The following HDAC8 variants were observed in gnomAD, a reference collection of about 807,000 sequenced individuals.
The protein encoded by HDAC8 is histone deacetylase-like 1.
Under a neutral mutation model 32.2 loss-of-function variants are expected in HDAC8, and 1 was observed. The ratio of observed to expected loss-of-function variants is 0.03; its 90% CI spans 0.01 to 0.15. The LOEUF is 0.15. Among genes scored for constraint, HDAC8 ranks in the 10% least tolerant of loss-of-function variants. The pLI is 1.00. For synonymous variants in HDAC8, 108 were observed against 113.9 expected (o/e 0.95, Z 0.33); for missense variants, 117 against 300.0 (o/e 0.39, Z 4.51).
At chrX:72,361,869 T>TG (rs782607708) in intron 9 of HDAC8, among the ~76,000 whole-genome samples, 1 of 111,505 alleles carries the variant, frequency 9.0e-6, no homozygotes, top group South Asian at 3.8e-4. Context: ...CCCTCACATG[T>TG]GGGGGGCACT....
At chrX:72,431,084 CCT>C (rs1464662155) in intron 9 of HDAC8, among the ~76,000 whole-genome samples, 3 of 111,265 alleles carry the variant, frequency 2.7e-5, no homozygotes, top group Non-Finnish European at 5.7e-5. Flanking sequence ...CTGCCTTCTC[CCT>C]GTTTGTCTGC....
At chrX:72,480,428 G>A (rs1340253507) in intron 7 of HDAC8, 2 of 329,063 alleles carry the variant, frequency 6.1e-6, no homozygotes, top group African/African-American at 2.6e-5. Flanking sequence ...GTGAGGCTGT[G>A]CAGAAGTAGA....
chrX:72,355,327 A>G (rs782119134), intron 9 of HDAC8, among the ~76,000 whole-genome samples: 13 of 112,414 alleles, frequency 1.2e-4, no homozygotes, highest in African/African-American at 4.2e-4. Context: ...AGACAGGTGG[A>G]GCAGGGGATG....
chrX:72,468,368 T>C (rs1478072515), intron 7 of HDAC8, among the ~76,000 whole-genome samples: 3 of 111,084 alleles, frequency 2.7e-5, no homozygotes, highest in African/African-American at 6.6e-5. Context: ...TGGAAAAACA[T>C]TGGGAGGGCT....
At chrX:72,568,926 AC>A in intron 2 of HDAC8, 42 bp from the exon 3 acceptor site, 2 of 1,171,266 alleles carry the variant, frequency 1.7e-6, no homozygotes, top group Non-Finnish European at 2.3e-6. Context: ...AGTGAGTCAG[AC>A]CCAGCGTATG....
chrX:72,511,389 G>T (rs2049576122), intron 4 of HDAC8, among the ~76,000 whole-genome samples: 1 of 111,366 alleles, frequency 9.0e-6, no homozygotes, highest in African/African-American at 3.3e-5. Context: ...AACACTTTAG[G>T]TATAATTGAT....
chrX:72,399,616 A>G (rs2045853210), intron 9 of HDAC8, among the ~76,000 whole-genome samples: 1 of 112,030 alleles, frequency 8.9e-6, no homozygotes, highest in Non-Finnish European at 1.9e-5. Context: ...TGAACAAGAC[A>G]TAGCTTCACT....
chrX:72,497,918 C>T (rs1556014135), intron 4 of HDAC8, among the ~76,000 whole-genome samples: 1 of 111,010 alleles, frequency 9.0e-6, no homozygotes, highest in African/African-American at 3.3e-5. Flanking sequence ...CTTATTTCTA[C>T]ATGCTGCAGA....
At chrX:72,444,977 G>T (rs1455684047) in intron 9 of HDAC8, among the ~76,000 whole-genome samples, 3 of 104,992 alleles carry the variant, frequency 2.9e-5, no homozygotes, top group Non-Finnish European at 5.9e-5. Context: ...ACTTACAAGG[G>T]ACGTGAAGGA....
intron 9 of HDAC8, among the ~76,000 whole-genome samples, chrX:72,440,514 CA>C (rs201367359): frequency 2.7e-5 from 3 of 110,260 alleles, no homozygotes; most frequent in East Asian, 2.9e-4. Flanking sequence ...AAAAACCCTT[CA>C]AAAAAAAATC....
At chrX:72,494,941 A>G (rs190974997) in intron 5 of HDAC8, among the ~76,000 whole-genome samples, 56 of 111,678 alleles carry the variant, frequency 5.0e-4, no homozygotes, top group African/African-American at 1.5e-3. Flanking sequence ...GAGGCTTGCT[A>G]CAGGAGGAGA....
intron 7 of HDAC8, among the ~76,000 whole-genome samples, chrX:72,488,259 C>T (rs1490359147): frequency 9.0e-6 from 1 of 111,047 alleles, no homozygotes; most frequent in African/African-American, 3.3e-5. Context: ...GTAATGTTGA[C>T]TGGCTGACTT....
chrX:72,364,886 G>A (rs2044654336), intron 9 of HDAC8, among the ~76,000 whole-genome samples: 1 of 111,372 alleles, frequency 9.0e-6, no homozygotes, highest in South Asian at 3.8e-4. Context: ...CCCATTGTTT[G>A]ATGAGCAATG....
intron 10 of HDAC8, among the ~76,000 whole-genome samples, chrX:72,332,604 ATTGT>A (rs2043555752): frequency 1.2e-5 from 1 of 85,384 alleles, no homozygotes; most frequent in East Asian, 3.0e-4. Context: ...CTACTTCCTA[ATTGT>A]TTTTTTTTTT....
intron 9 of HDAC8, among the ~76,000 whole-genome samples, chrX:72,416,589 A>T: frequency 9.7e-6 from 1 of 102,772 alleles, no homozygotes; most frequent in African/African-American, 3.5e-5. Context: ...CTTTGGTTTT[A>T]TTTTGCCCTT....
chrX:72,475,854 C>T (rs1195200068), intron 7 of HDAC8, among the ~76,000 whole-genome samples: 1 of 111,558 alleles, frequency 9.0e-6, no homozygotes, highest in East Asian at 2.8e-4. Flanking sequence ...AACCAGCAAA[C>T]AACCTCATAT....
At chrX:72,433,760 T>C (rs2046879749) in intron 9 of HDAC8, among the ~76,000 whole-genome samples, 1 of 112,011 alleles carries the variant, frequency 8.9e-6, no homozygotes, top group Non-Finnish European at 1.9e-5. Flanking sequence ...GCAAAATGTT[T>C]AGAAACATGT....
At chrX:72,358,146 A>G (rs1206163794) in intron 9 of HDAC8, among the ~76,000 whole-genome samples, 1 of 110,214 alleles carries the variant, frequency 9.1e-6, no homozygotes, top group African/African-American at 3.3e-5. Context: ...CCAACTCCTG[A>G]CCTTAAGTGA....
intron 4 of HDAC8, among the ~76,000 whole-genome samples, chrX:72,509,310 T>C (rs1251836603): frequency 9.0e-6 from 1 of 110,856 alleles, no homozygotes; most frequent in African/African-American, 3.3e-5. Flanking sequence ...GGTTTCACCA[T>C]GTTGGCCAAA....
Sources: gnomAD v4.1 joint callset for allele counts (sites outside exome capture counted in the v4.1 genomes callset) on GRCh38, gnomAD v4.1.1 for gene constraint, MANE v1.5 for transcripts, NCBI Gene and HGNC (gene_info 2026-07-23, HGNC 2026-07-21) for gene names.